URM1: variants seen among roughly 807,000 people sequenced by gnomAD.
URM1 encodes the protein ubiquitin related modifier 1, also known as ubiquitin-related modifier 1.
In URM1, 11 loss-of-function variants were observed where a neutral mutation model predicts 17.7. The ratio of observed to expected loss-of-function variants is 0.62; its 90% CI spans 0.39 to 1.03. URM1 has a LOEUF of 1.03. Among genes scored for constraint, URM1 ranks in the 50% least tolerant of loss-of-function variants. The pLI, the probability that URM1 is intolerant of heterozygous loss-of-function variation, is 0.00. For missense variants in URM1, 128 were observed against 129.2 expected, an observed-to-expected ratio of 0.99 and a Z score of 0.04; for synonymous variants, 48 against 50.6, an observed-to-expected ratio of 0.95 and a Z score of 0.22.
chr9:128,371,855 G>A (rs1410861932), intron 1 of URM1, among the ~76,000 whole-genome samples: 1 of 152,214 alleles, frequency 6.6e-6, no homozygotes, highest in Non-Finnish European at 1.5e-5. Context: ...CTCGTGGGAT[G>A]TAGTGGCCAG....
At chr9:128,375,502 G>A (rs1833064551) in intron 1 of URM1, among the ~76,000 whole-genome samples, 1 of 152,108 alleles carries the variant, frequency 6.6e-6, no homozygotes, top group Non-Finnish European at 1.5e-5. Flanking sequence ...CTTGAGCCCA[G>A]GAGTTCAAGA....
chr9:128,389,028 G>C, intron 3 of URM1: 1 of 1,348,650 alleles, frequency 7.4e-7, no homozygotes, highest in Non-Finnish European at 9.5e-7. Context: ...CTGGGTGGTG[G>C]TGCTGGCTGG....
rs1217082925 is a variant in URM1, at chr9:128,390,349, AC to A, written c.*618del. Reference sequence around the variant, plus strand: ...CTGCTCCCCCCACCCCTAGCCCTTGACCCTGGCTGGCCTGCCCCGCTCCACA... The same window carrying A: ...CTGCTCCCCCCACCCCTAGCCCTTGACCTGGCTGGCCTGCCCCGCTCCACA... On this transcript the variant is annotated 3_prime_UTR_variant, in exon 5 of 5. Transcript: ENST00000372853. The A allele has an allele frequency of 6.6e-6, 1 of 151,794 alleles. No individual in the cohort carries two copies. The highest frequency in any genetic ancestry group is 2.0e-4 in the East Asian group (1 of 5,124). The allele number at this position is 151,794 out of a possible 1,614,324, so 9.4% of individuals were successfully genotyped here.
intron 2 of URM1, among the ~76,000 whole-genome samples, chr9:128,380,478 G>A (rs1248784872): frequency 1.3e-5 from 2 of 152,142 alleles, no homozygotes; most frequent in Non-Finnish European, 1.5e-5. Context: ...AGATGGCCAT[G>A]CAGCCTTGGG....
intron 1 of URM1, among the ~76,000 whole-genome samples, chr9:128,376,231 C>T (rs1362048902): frequency 6.6e-6 from 1 of 152,022 alleles, no homozygotes; most frequent in Non-Finnish European, 1.5e-5. Flanking sequence ...GGTGTGGTGA[C>T]ACGTGCCTGT....
chr9:128,381,006 A>G (rs1246704626), intron 2 of URM1, among the ~76,000 whole-genome samples: 2 of 152,028 alleles, frequency 1.3e-5, no homozygotes, highest in East Asian at 3.9e-4. Context: ...TTGTATTTTT[A>G]GAAGAGACGG....
chr9:128,383,008 C>G (rs1277926599), intron 2 of URM1, among the ~76,000 whole-genome samples: 1 of 152,164 alleles, frequency 6.6e-6, no homozygotes, highest in Non-Finnish European at 1.5e-5. Context: ...TTTGTGCCCC[C>G]TCTGCCTGCT....
At chr9:128,380,926 G>A (rs984255819) in intron 2 of URM1, among the ~76,000 whole-genome samples, 9 of 152,154 alleles carry the variant, frequency 5.9e-5, no homozygotes, top group Non-Finnish European at 1.0e-4. Flanking sequence ...CCGGGTTCAC[G>A]CCATTCTCCT....
At chr9:128,371,631 C>T (rs1275375803) in intron 1 of URM1, among the ~76,000 whole-genome samples, 6 of 152,206 alleles carry the variant, frequency 3.9e-5, no homozygotes, top group African/African-American at 1.4e-4. Context: ...GAGGGAAATG[C>T]TCTCTGTGTA....
At position 128,388,352 on chromosome 9, in the gene URM1, G is replaced by T. The variant is rs1457352990; in HGVS notation, c.188+455G>T. On this transcript the variant is annotated intron_variant, in intron 3 of 4. Transcript: ENST00000372853. ...GGGTCTAGAATTCCAAGGAGTCATT[G>T]ACTCTGTGCGTGCACACACCCATGC... The T allele has an allele frequency of 6.0e-6, 6 of 996,642 alleles. No homozygotes were observed. In the Admixed American group the frequency reaches 3.4e-4, roughly 56 times the overall value. 61.7% of individuals were successfully genotyped at this position (996,642 alleles called of 1,614,324 possible). A position where few individuals can be genotyped will look rare whatever the true frequency, so the allele number is the denominator to read the frequency against.
At chr9:128,386,727 A>G (rs965583829) in intron 2 of URM1, among the ~76,000 whole-genome samples, 2 of 152,226 alleles carry the variant, frequency 1.3e-5, no homozygotes, top group Non-Finnish European at 2.9e-5. Flanking sequence ...GACTCCAGGC[A>G]GGAAAATCAA....
intron 2 of URM1, among the ~76,000 whole-genome samples, chr9:128,386,955 G>A (rs777396234): frequency 5.3e-5 from 8 of 152,348 alleles, no homozygotes; most frequent in Non-Finnish European, 5.9e-5. Flanking sequence ...GCCCTGTTTC[G>A]GGGGCGGACA....
chr9:128,371,615 C>T (rs1833013522), intron 1 of URM1, among the ~76,000 whole-genome samples, 200 bp downstream of exon 1: 2 of 152,182 alleles, frequency 1.3e-5, no homozygotes, highest in Admixed American at 6.5e-5. Context: ...TAGAGGCGCA[C>T]ATTGGGAGGG....
chr9:128,391,576 G>C lies in URM1; in HGVS notation c.*1842G>C, dbSNP rs1297763767. On this transcript the variant is annotated 3_prime_UTR_variant, in exon 5 of 5. Transcript: ENST00000372853. ...TAGAAGGTCAGCCTGTCCGATTCTT[G>C]TAACCTGGAGGTCCCTCCCCATCTG... 2 of 152,260 alleles carry C rather than the reference G, an allele frequency of 1.3e-5. No individual in the cohort carries two copies. The highest frequency in any genetic ancestry group is 2.4e-5 in the African/African-American group (1 of 41,430). The allele number at this position is 152,260 out of a possible 1,614,324, so 9.4% of individuals were successfully genotyped here.
chr9:128,385,939 C>T (rs1007291761), intron 2 of URM1, among the ~76,000 whole-genome samples: 1 of 152,150 alleles, frequency 6.6e-6, no homozygotes, highest in African/African-American at 2.4e-5. Context: ...TAAATGAGCC[C>T]GCACTGGGCA....
intron 2 of URM1, among the ~76,000 whole-genome samples, chr9:128,383,381 C>T (rs1194819858): frequency 1.3e-5 from 2 of 152,104 alleles, no homozygotes; most frequent in East Asian, 3.9e-4. Flanking sequence ...TCTGTTACTC[C>T]CCCCTTGCCA....
chr9:128,387,764 G>A lies in URM1; in HGVS notation c.107-52G>A, dbSNP rs1833246602. ...TGGGCCAGGCAAGGCTCTGGGGGTG[G>A]GCAGGTGCTATTTGGGTTTGACAAG... is the stretch of plus-strand genomic sequence containing the variant. On this transcript the variant is annotated intron_variant, in intron 2 of 4. Transcript: ENST00000372853. This position sits in a 1 kb window ranked among gnomAD's most constrained non-coding sequence, Gnocchi z 4.3. 3.1e-6 allele frequency: 5 copies of A among 1,611,808 alleles called. No individual in the cohort carries two copies. The Admixed American group carries it at 6.7e-5, about 21-fold the overall frequency.
chr9:128,388,056 C>T, intron 3 of URM1, 159 bp downstream of exon 3: 3 of 1,359,234 alleles, frequency 2.2e-6, no homozygotes, highest in Non-Finnish European at 2.8e-6. Context: ...TTTCTTGTTA[C>T]TAAACCGAAC....
chr9:128,383,319 AC>A (rs1380247522), intron 2 of URM1, among the ~76,000 whole-genome samples: 3 of 151,002 alleles, frequency 2.0e-5, no homozygotes, highest in Admixed American at 2.0e-4. Flanking sequence ...CTCCATTCTT[AC>A]CCCCATTCAC....
Sources: gnomAD v4.1 joint callset for allele counts (sites outside exome capture counted in the v4.1 genomes callset) on GRCh38, gnomAD v4.1.1 for gene constraint, Gnocchi (gnomAD v3.1) non-coding constraint, MANE v1.5 for transcripts, NCBI Gene and HGNC (gene_info 2026-07-23, HGNC 2026-07-21) for gene names.